The following EIF3B variants were observed in gnomAD, a reference collection of about 807,000 sequenced individuals.
EIF3B encodes eukaryotic translation initiation factor 3 subunit B.
In EIF3B, 10 loss-of-function variants were observed where a neutral mutation model predicts 104.6. That is an observed-to-expected ratio of 0.10 (90% CI 0.06 to 0.16). EIF3B has a LOEUF of 0.16. Ranked by LOEUF, EIF3B falls within the 10% of genes least tolerant of loss-of-function variation. The probability of loss-of-function intolerance (pLI) is 1.00; values close to 1 mark genes in which losing one functional copy is unlikely to be tolerated. For missense variants in EIF3B, 1,014 were observed against 1,087.9 expected (o/e 0.93, Z 0.96); for synonymous variants, 542 against 417.2 (o/e 1.30, Z -3.65).
chr7:2,377,611 C>T (rs1187086729), intron 15 of EIF3B, among the ~76,000 whole-genome samples: 22 of 109,794 alleles, frequency 2.0e-4, no homozygotes, highest in African/African-American at 1.4e-3. Flanking sequence ...AAGGAGCAGG[C>T]GCGAGCTCTC....
At chr7:2,358,812 A>G (rs1779589823) in intron 1 of EIF3B, among the ~76,000 whole-genome samples, 1 of 152,228 alleles carries the variant, frequency 6.6e-6, no homozygotes, top group African/African-American at 2.4e-5. Flanking sequence ...TACAGGCGTG[A>G]GCCACTGAGC....
At chr7:2,358,787 C>G (rs955751522) in intron 1 of EIF3B, among the ~76,000 whole-genome samples, 1 of 152,152 alleles carries the variant, frequency 6.6e-6, no homozygotes, top group African/African-American at 2.4e-5. Context: ...CCTCGGCCTC[C>G]CAAAATGCTG....
In EIF3B at chr7:2,374,584, G is replaced by A. The variant is rs1780535285; in HGVS notation, c.1867G>A (p.Val623Met). ...TIFWSPQGQF[V>M]VLAGLRSMNG... ...CTTCTGGAGCCCCCAAGGACAGTTCGTGGTGTTGGCGGGCCTGAGGAGGTA... is the reference window on the plus strand; with the variant it reads ...CTTCTGGAGCCCCCAAGGACAGTTCATGGTGTTGGCGGGCCTGAGGAGGTA... Residue 623 changes from valine (V) to methionine (M), a missense_variant, in exon 13 of 19, where the codon GTG becomes ATG. Val to Met is a conservative substitution (Grantham distance 21). This residue lies in a region of EIF3B where 266 missense variants were observed against 324.0 expected (regional missense o/e 0.82). Coordinates refer to ENST00000360876, the MANE Select transcript of EIF3B (RefSeq NM_001037283.2). 3.7e-6 allele frequency: 6 copies of A among 1,613,962 alleles called. No individual in the cohort carries two copies. The highest frequency in any genetic ancestry group is 2.2e-5 in the East Asian group (1 of 44,886).
intron 1 of EIF3B, among the ~76,000 whole-genome samples, chr7:2,355,793 G>A (rs1444230210): frequency 6.6e-6 from 1 of 152,080 alleles, no homozygotes; most frequent in Non-Finnish European, 1.5e-5. Context: ...GCAGGTTTGC[G>A]GGTCTACGTG....
chr7:2,373,740 G>T (rs544924153), intron 12 of EIF3B: 2 of 151,280 alleles, frequency 1.3e-5, no homozygotes, highest in African/African-American at 4.9e-5. Context: ...GAGGCACCTT[G>T]TACCTTCCAA....
intron 1 of EIF3B, among the ~76,000 whole-genome samples, chr7:2,357,757 G>A (rs749846093): frequency 2.0e-5 from 3 of 152,226 alleles, no homozygotes; most frequent in Non-Finnish European, 4.4e-5. Context: ...TCAAGGCGTT[G>A]TGTCTTCATG....
At chr7:2,360,653 A>C in intron 1 of EIF3B, 57 bp from the exon 2 acceptor site, 1 of 1,381,572 alleles carries the variant, frequency 7.2e-7, no homozygotes, top group East Asian at 2.3e-5. Flanking sequence ...GTGCTCAGTT[A>C]ATGTATTAAT....
intron 5 of EIF3B, 84 bp from the exon 6 acceptor site, chr7:2,364,288 T>G: frequency 2.3e-6 from 3 of 1,302,650 alleles, no homozygotes; most frequent in South Asian, 1.6e-5. Flanking sequence ...TAGAACAGAT[T>G]CATTGTAGGA....
intron 3 of EIF3B, 21 bp from the exon 4 acceptor site, chr7:2,363,049 G>A: frequency 6.2e-7 from 1 of 1,613,840 alleles, no homozygotes; most frequent in Non-Finnish European, 8.5e-7. Flanking sequence ...GTGGGGCTCA[G>A]CAGTCTCCTT....
chr7:2,354,219 T>C (rs1779256030), upstream of EIF3B: 1 of 152,258 alleles, frequency 6.6e-6, no homozygotes, highest in Admixed American at 6.5e-5. Flanking sequence ...GAAACTTCCA[T>C]ACATTTTTGT....
intron 1 of EIF3B, among the ~76,000 whole-genome samples, chr7:2,359,210 C>T (rs1033949715): frequency 1.3e-5 from 2 of 152,182 alleles, no homozygotes; most frequent in African/African-American, 4.8e-5. Context: ...TGGCACTCAG[C>T]GTCTAAACCC....
chr7:2,361,395 T>C (rs951291926), intron 2 of EIF3B, among the ~76,000 whole-genome samples: 3 of 152,244 alleles, frequency 2.0e-5, no homozygotes, highest in African/African-American at 7.2e-5. Flanking sequence ...ACTCGTGTTA[T>C]AATGAAACAT....
chr7:2,369,100 T>C (rs541679189), intron 9 of EIF3B, among the ~76,000 whole-genome samples: 3 of 152,228 alleles, frequency 2.0e-5, no homozygotes, highest in Non-Finnish European at 2.9e-5. Flanking sequence ...AATTAATCTT[T>C]AGATGACATG....
At chr7:2,364,340 T>C in intron 5 of EIF3B, 32 bp from the exon 6 acceptor site, 1 of 1,545,048 alleles carries the variant, frequency 6.5e-7, no homozygotes, top group Non-Finnish European at 8.7e-7. Context: ...GCCATTTTGT[T>C]GTATTAACGT....
chr7:2,378,536 T>C lies in EIF3B; in HGVS notation c.2155-153T>C, dbSNP rs577899260. 97 of 616,044 alleles carry C rather than the reference T, an allele frequency of 1.6e-4. No homozygotes were observed. The African/African-American group carries it at 1.8e-3, about 11-fold the overall frequency. The allele number at this position is 616,044 out of a possible 1,614,324, so 38.2% of individuals were successfully genotyped here. On this transcript the variant is annotated intron_variant, in intron 15 of 18. Transcript: ENST00000360876. ...GGAAGCTGTGTTGTGTGAATGACCC[T>C]GGGTGTCATGGAGAAAGGAGCATGC... is the stretch of plus-strand genomic sequence containing the variant.
rs1780571142 is a variant in EIF3B at position 2,375,296 on chromosome 7, C to T, written c.1890-93C>T. ...TTCCATGTTAACGCCGAGGCTGGCT[C>T]CCTGGGGACCCCATGCCGCAGCACC... is the stretch of plus-strand genomic sequence containing the variant. On this transcript the variant is annotated intron_variant, in intron 13 of 18. Coordinates refer to ENST00000360876, the MANE Select transcript of EIF3B (RefSeq NM_001037283.2). The T allele has an allele frequency of 5.1e-6, 8 of 1,557,248 alleles. No individual in the cohort carries two copies. The Admixed American group carries it at 1.4e-4, about 26-fold the overall frequency.
chr7:2,363,313 T>C (rs1450944777), intron 4 of EIF3B, among the ~76,000 whole-genome samples, 186 bp downstream of exon 4: 1 of 151,874 alleles, frequency 6.6e-6, no homozygotes, highest in South Asian at 2.1e-4. Flanking sequence ...AATACATACA[T>C]TAGCTGGGCC....
At chr7:2,365,636 G>C (rs1779967622) in intron 6 of EIF3B, among the ~76,000 whole-genome samples, 1 of 151,410 alleles carries the variant, frequency 6.6e-6, no homozygotes, top group Non-Finnish European at 1.5e-5. Context: ...CTTTCGAACT[G>C]GATGGGACTT....
chr7:2,380,355 G>C lies in EIF3B; in HGVS notation c.*166G>C, dbSNP rs769961442. 1.3e-5 allele frequency: 7 copies of C among 518,716 alleles called. No homozygotes were observed. The highest frequency in any genetic ancestry group is 2.3e-5 in the Non-Finnish European group (6 of 259,780). 32.1% of individuals were successfully genotyped at this position (518,716 alleles called of 1,614,324 possible). ...CTCCCGCCTCCTCCCTGTGCTCTCT[G>C]GCTCTGGACTGTGACTGCGCCTGGA... is the stretch of plus-strand genomic sequence containing the variant. On this transcript the variant is annotated 3_prime_UTR_variant, in exon 19 of 19. Coordinates refer to ENST00000360876, the MANE Select transcript of EIF3B (RefSeq NM_001037283.2).
Sources: allele counts gnomAD v4.1 joint callset (sites outside exome capture counted in the v4.1 genomes callset), GRCh38; gene constraint gnomAD v4.1.1; regional missense constraint gnomAD v4.1.1; transcripts MANE v1.5; gene names NCBI Gene and HGNC (gene_info 2026-07-23, HGNC 2026-07-21).